The following FABP3 variants were observed in gnomAD, a reference collection of about 807,000 sequenced individuals.
FABP3 encodes fatty acid-binding protein, heart.
FABP3 carries 8 observed loss-of-function variants against 13.4 expected under a neutral mutation model. The observed-to-expected ratio is 0.60, with a 90% CI of 0.35 to 1.07. The LOEUF (loss-of-function observed/expected upper bound fraction) is 1.07, where lower values mean the gene tolerates loss of function less well. FABP3 is among the 50% of genes least tolerant of loss of function. The pLI is 0.02. For missense variants in FABP3, 135 were observed against 164.7 expected (o/e 0.82, Z 0.99); for synonymous variants, 64 against 60.0 (o/e 1.07, Z -0.31).
downstream of FABP3, among the ~76,000 whole-genome samples, chr1:31,360,927 G>A (rs1437264662): frequency 6.6e-6 from 1 of 152,174 alleles, no homozygotes; most frequent in Admixed American, 6.5e-5. Context: ...GCACTGTTTA[G>A]GTGTAAGGCA....
chr1:31,372,851 C>T lies in FABP3; in HGVS notation c.73+91G>A, dbSNP rs970233128. 7 of 1,284,872 alleles carry T rather than the reference C, an allele frequency of 5.4e-6. No homozygotes were observed. The African/African-American group carries it at 1.0e-4, about 19-fold the overall frequency. 79.6% of individuals were successfully genotyped at this position (1,284,872 alleles called of 1,614,324 possible). On this transcript the variant is annotated intron_variant, in intron 1 of 3. Transcript: ENST00000373713. ...GCGCTCCCCTATTCCCCAGTCTTAA[C>T]CAGGAGGGATGCGGCAGGAGTGCTG...
At chr1:31,362,395 A>T (rs551176687), downstream of FABP3, among the ~76,000 whole-genome samples, 203 of 152,292 alleles carry the variant, frequency 1.3e-3, 3 homozygotes, top group South Asian at 3.3e-3. Context: ...TAGAAACCTT[A>T]CAGAGGCAAT....
At chr1:31,366,838 ACTGT>A (rs1640122023) in intron 3 of FABP3, among the ~76,000 whole-genome samples, 1 of 152,172 alleles carries the variant, frequency 6.6e-6, no homozygotes, top group African/African-American at 2.4e-5. Context: ...AAAGGACTGT[ACTGT>A]CATTCAGTGT....
downstream of FABP3, among the ~76,000 whole-genome samples, chr1:31,361,268 T>A (rs966129747): frequency 6.6e-6 from 1 of 152,230 alleles, no homozygotes; most frequent in Non-Finnish European, 1.5e-5. Flanking sequence ...TATTTCATCT[T>A]CTCTTAAAAC....
At chr1:31,362,367 A>C (rs540306844), downstream of FABP3, among the ~76,000 whole-genome samples, 1 of 152,112 alleles carries the variant, frequency 6.6e-6, no homozygotes, top group South Asian at 2.1e-4. Flanking sequence ...TTCTCCTCCC[A>C]TACTTTCTCC....
chr1:31,359,924 A>G, the FABP3 span, among the ~76,000 whole-genome samples: 1 of 151,564 alleles, frequency 6.6e-6, no homozygotes, highest in African/African-American at 2.4e-5. Context: ...AGCTTGGTTC[A>G]TCTTCTGGCT....
chr1:31,366,884 G>A (rs2148494075), intron 3 of FABP3, among the ~76,000 whole-genome samples: 1 of 152,310 alleles, frequency 6.6e-6, no homozygotes, highest in East Asian at 1.9e-4. Flanking sequence ...CCCTGCAAGT[G>A]ACAATGCAGT....
At chr1:31,371,923 T>A (rs1640215946) in intron 1 of FABP3, among the ~76,000 whole-genome samples, 1 of 152,180 alleles carries the variant, frequency 6.6e-6, no homozygotes, top group African/African-American at 2.4e-5. Flanking sequence ...GCAGGGCCTG[T>A]AGGGTAGTGG....
downstream of FABP3, among the ~76,000 whole-genome samples, chr1:31,360,675 C>T (rs182690748): frequency 3.0e-4 from 45 of 152,262 alleles, no homozygotes; most frequent in African/African-American, 1.1e-3. Context: ...CCAGGACTCT[C>T]CAGTGATTTG....
intron 3 of FABP3, 133 bp from the exon 4 acceptor site, chr1:31,366,072 G>A (rs1462386535): frequency 2.5e-4 from 30 of 120,592 alleles, no homozygotes; most frequent in African/African-American, 5.3e-4. Flanking sequence ...ATGTGTGTGT[G>A]TGTGTGTGTG....
intron 3 of FABP3, 100 bp downstream of exon 3, chr1:31,367,293 C>T: frequency 6.3e-6 from 6 of 959,222 alleles, no homozygotes; most frequent in Non-Finnish European, 1.0e-5. Flanking sequence ...GTCCCAGCTT[C>T]TACAGCTCTC....
Position 31,365,792 on chromosome 1 carries a change from T to C in FABP3, c.*94A>G. 8.5e-7 allele frequency: 1 copy of C among 1,177,334 alleles called. No individual in the cohort carries two copies. Among genetic ancestry groups the C allele is most frequent in the Non-Finnish European group, 1.3e-6 (1 of 792,026 alleles). 72.9% of individuals were successfully genotyped at this position (1,177,334 alleles called of 1,614,324 possible). A position where few individuals can be genotyped will look rare whatever the true frequency, so the allele number is the denominator to read the frequency against. ...CCTGACCCCAGAAGAATTCGTGGAT[T>C]TGTACAAAATGCAGAGGAAGAAATG... On this transcript the variant is annotated 3_prime_UTR_variant, in exon 4 of 4. Transcript: ENST00000373713.
downstream of FABP3, among the ~76,000 whole-genome samples, chr1:31,362,129 T>C (rs12756878): frequency 0.025 from 3,799 of 152,230 alleles, 63 homozygotes; most frequent in Middle Eastern, 0.037. Flanking sequence ...TATTCTTATC[T>C]CCAGTTTACA....
At chr1:31,363,003 A>G (rs1388337380), downstream of FABP3, among the ~76,000 whole-genome samples, 2 of 152,318 alleles carry the variant, frequency 1.3e-5, no homozygotes, top group East Asian at 3.9e-4. Flanking sequence ...AATATACACA[A>G]GTATGTGTAA....
Position 31,365,898 on chromosome 1 carries a change from C to T in FABP3, c.390G>A (p.Glu130=). 1 of 1,613,958 alleles carries T rather than the reference C, an allele frequency of 6.2e-7. No homozygotes were observed. Among genetic ancestry groups the T allele is most frequent in the Non-Finnish European group, 8.5e-7 (1 of 1,179,978 alleles). The part of the protein sequence containing the change: ...HGTAVCTRTY[E]KEA ...CAGTGCAGTCAGGTCATGCCTCTTTCTCATAAGTGCGAGTGCAAACTGCAG... is the reference window on the plus strand; with the variant it reads ...CAGTGCAGTCAGGTCATGCCTCTTTTTCATAAGTGCGAGTGCAAACTGCAG... Residue 130 remains glutamate (E), a synonymous_variant, in exon 4 of 4, where the codon GAG becomes GAA. Transcript: ENST00000373713.
chr1:31,369,338 T>A (rs1450580868), intron 2 of FABP3, 47 bp downstream of exon 2: 1 of 1,591,620 alleles, frequency 6.3e-7, no homozygotes, highest in East Asian at 2.2e-5. Flanking sequence ...TATTCTCTTT[T>A]AGAGTCTCAG....
At chr1:31,372,230 G>A (rs917525458) in intron 1 of FABP3, among the ~76,000 whole-genome samples, 2 of 152,054 alleles carry the variant, frequency 1.3e-5, no homozygotes, top group Non-Finnish European at 2.9e-5. Context: ...CCTACCCCTC[G>A]CACAGATAGG....
At position 31,366,195 on chromosome 1, in the gene FABP3, A is replaced by G. The variant is rs76134794; in HGVS notation, c.349-256T>C. 9.2e-3 allele frequency among the ~76,000 whole-genome samples: 1,402 copies of G among 152,146 alleles called. 23 individuals carry two copies. The highest frequency in any genetic ancestry group is 0.029 in the African/African-American group (1,216 of 41,472). On this transcript the variant is annotated intron_variant, in intron 3 of 3. Coordinates refer to ENST00000373713, the MANE Select transcript of FABP3 (RefSeq NM_004102.5). ...AGAGATTTGGAAAAAACGAGCCTTT[A>G]GAGAGGAAGTAATTTGGTCAAGATC...
chr1:31,364,016 A>T, downstream of FABP3: 2 of 1,606,568 alleles, frequency 1.2e-6, no homozygotes, highest in South Asian at 1.1e-5. Flanking sequence ...GTTGATTTTT[A>T]AAATTTTCTT....
Sources: allele counts gnomAD v4.1 joint callset (sites outside exome capture counted in the v4.1 genomes callset), GRCh38; gene constraint gnomAD v4.1.1; transcripts MANE v1.5; gene names NCBI Gene and HGNC (gene_info 2026-07-23, HGNC 2026-07-21).